The following PAX7 variants were observed in gnomAD, a reference collection of about 807,000 sequenced individuals.
The protein encoded by PAX7 is paired box protein Pax-7.
A neutral mutation model predicts 50.7 loss-of-function variants in PAX7; 18 were observed. That is an observed-to-expected ratio of 0.36 (90% CI 0.25 to 0.53). The LOEUF (loss-of-function observed/expected upper bound fraction) is 0.53, where lower values mean the gene tolerates loss of function less well. PAX7 is among the 20% of genes least tolerant of loss of function. The pLI is 0.93. For missense variants in PAX7, 644 were observed against 702.9 expected, an observed-to-expected ratio of 0.92 and a Z score of 0.95; for synonymous variants, 310 against 290.4, an observed-to-expected ratio of 1.07 and a Z score of -0.69.
chr1:18,691,996 G>T, intron 5 of PAX7, 43 bp downstream of exon 5: 1 of 1,576,452 alleles, frequency 6.3e-7, no homozygotes, highest in East Asian at 2.3e-5. Flanking sequence ...ATATACTCCA[G>T]AGATTCAGAA....
At chr1:18,701,558 T>A (rs1269654304) in intron 6 of PAX7, among the ~76,000 whole-genome samples, 3 of 152,052 alleles carry the variant, frequency 2.0e-5, no homozygotes, top group African/African-American at 7.2e-5. Flanking sequence ...AAAAAAAAAA[T>A]TTACAAAGGG....
intron 4 of PAX7, among the ~76,000 whole-genome samples, chr1:18,680,775 G>A (rs1170771819): frequency 6.6e-6 from 1 of 152,174 alleles, no homozygotes. Context: ...AAATAACTTG[G>A]ATGAGTAAAT....
Position 18,746,317 on chromosome 1 carries a change from A to C in PAX7, c.*1388A>C, listed in dbSNP as rs1931437655. The C allele has an allele frequency of 4.4e-6, 1 of 229,852 alleles. No individual in the cohort carries two copies. Among genetic ancestry groups the C allele is most frequent in the East Asian group, 6.2e-5 (1 of 16,168 alleles). The allele number at this position is 229,852 out of a possible 1,614,324, so 14.2% of individuals were successfully genotyped here. A position where few individuals can be genotyped will look rare whatever the true frequency, so the allele number is the denominator to read the frequency against. On this transcript the variant is annotated 3_prime_UTR_variant, in exon 9 of 9. Coordinates refer to ENST00000420770, the MANE Select transcript of PAX7 (RefSeq NM_001135254.2). ...CAAGCTACCAGCCCTGGGCAGAGGAAGATGTCAACAATTCCAGAGCAGAGG... is the reference window on the plus strand; with the variant it reads ...CAAGCTACCAGCCCTGGGCAGAGGACGATGTCAACAATTCCAGAGCAGAGG...
chr1:18,734,072 G>A (rs1001316098), intron 7 of PAX7, among the ~76,000 whole-genome samples: 14 of 152,198 alleles, frequency 9.2e-5, no homozygotes, highest in African/African-American at 2.9e-4. Context: ...CAGTGCCCTC[G>A]ACTGTGGCCA....
At chr1:18,721,169 C>T (rs946408254) in intron 7 of PAX7, among the ~76,000 whole-genome samples, 2 of 152,164 alleles carry the variant, frequency 1.3e-5, no homozygotes, top group African/African-American at 4.8e-5. Flanking sequence ...GCACAGGGGG[C>T]TGCCCGGGCC....
intron 4 of PAX7, among the ~76,000 whole-genome samples, chr1:18,652,210 G>A (rs1464206458): frequency 6.6e-6 from 1 of 151,800 alleles, no homozygotes; most frequent in African/African-American, 2.4e-5. Context: ...GCCACTGGCT[G>A]CCTCCACCCT....
chr1:18,662,926 A>C (rs1389748835), intron 4 of PAX7, among the ~76,000 whole-genome samples: 2 of 147,864 alleles, frequency 1.4e-5, no homozygotes, highest in African/African-American at 2.5e-5. Context: ...AAAAAAAAAA[A>C]CCTCAAACAC....
intron 4 of PAX7, among the ~76,000 whole-genome samples, chr1:18,670,442 C>T (rs549325635): frequency 3.2e-4 from 49 of 152,280 alleles, no homozygotes; most frequent in African/African-American, 1.2e-3. Flanking sequence ...TCCCAAAGTC[C>T]TGAGTGCCCA....
Position 18,735,958 on chromosome 1 carries a change from C to T in PAX7, c.1402+80C>T, listed in dbSNP as rs955658226. ...GGGCCTCCTGCTTGTTTATGGAGAGCTACAAGGTGGTGTCAGGGTGGGGAA... is the reference window on the plus strand; with the variant it reads ...GGGCCTCCTGCTTGTTTATGGAGAGTTACAAGGTGGTGTCAGGGTGGGGAA... On this transcript the variant is annotated intron_variant, in intron 8 of 8. Transcript: ENST00000420770. This position sits in a 1 kb window ranked among gnomAD's most constrained non-coding sequence, Gnocchi z 4.0. 2 of 1,613,842 alleles carry T rather than the reference C, an allele frequency of 1.2e-6. No individual in the cohort carries two copies. Among genetic ancestry groups the T allele is most frequent in the Non-Finnish European group, 1.7e-6 (2 of 1,180,000 alleles).
At chr1:18,706,061 C>T (rs1272615054) in intron 7 of PAX7, among the ~76,000 whole-genome samples, 2 of 152,112 alleles carry the variant, frequency 1.3e-5, no homozygotes, top group Non-Finnish European at 2.9e-5. Context: ...ACGGGTGCAG[C>T]GAGCAGGGCG....
chr1:18,697,270 A>G (rs2089162019), intron 5 of PAX7, among the ~76,000 whole-genome samples: 1 of 152,094 alleles, frequency 6.6e-6, no homozygotes, highest in African/African-American at 2.4e-5. Flanking sequence ...CTTTCAAAGA[A>G]CTCAGTCCTG....
chr1:18,646,637 A>C (rs1196279583), intron 4 of PAX7, among the ~76,000 whole-genome samples: 1 of 151,948 alleles, frequency 6.6e-6, no homozygotes, highest in Admixed American at 6.5e-5. Flanking sequence ...CTCGCGCCTC[A>C]ATGGCCACTT....
intron 7 of PAX7, among the ~76,000 whole-genome samples, chr1:18,725,423 C>T (rs572113273): frequency 6.6e-6 from 1 of 152,170 alleles, no homozygotes; most frequent in Admixed American, 6.5e-5. Context: ...CCTCTCCTTC[C>T]TCCCGCCTGC....
At chr1:18,667,579 C>A (rs761677567) in intron 4 of PAX7, among the ~76,000 whole-genome samples, 3 of 151,912 alleles carry the variant, frequency 2.0e-5, no homozygotes. Context: ...GTGGAGGATG[C>A]GGTGGAGGGA....
At chr1:18,663,067 T>C (rs1040028982) in intron 4 of PAX7, among the ~76,000 whole-genome samples, 1 of 152,226 alleles carries the variant, frequency 6.6e-6, no homozygotes, top group African/African-American at 2.4e-5. Context: ...TCTATACATA[T>C]GTTTATTTTG....
chr1:18,634,506 C>T lies in PAX7; in HGVS notation c.289C>T (p.Arg97Trp), dbSNP rs148832029. The change falls in exon 2 of 9, where the codon CGG (arginine) becomes TGG (tryptophan). Residue 97 changes from arginine to tryptophan, a missense_variant. By Grantham distance (101) the Arg-to-Trp change is moderately radical. Transcript: ENST00000420770. This position sits in a 1 kb window ranked among gnomAD's most constrained non-coding sequence, Gnocchi z 4.0. ...CCGCTACCAGGAGACCGGGTCCATC[C>T]GGCCTGGGGCCATCGGCGGCAGCAA... ...LCRYQETGSI[R>W]PGAIGGSKPR... 67 of 1,613,922 alleles carry T rather than the reference C, an allele frequency of 4.2e-5. No homozygotes were observed. In the Admixed American group the frequency reaches 6.3e-4, roughly 15 times the overall value.
chr1:18,736,067 G>A, intron 8 of PAX7, 189 bp downstream of exon 8: 1 of 1,103,964 alleles, frequency 9.1e-7, no homozygotes, highest in Non-Finnish European at 1.3e-6. Flanking sequence ...CAAAACCCAG[G>A]ACATCTCCTG....
In PAX7 at chr1:18,655,560, G is replaced by T. The variant is rs145746256; in HGVS notation, c.586+19189G>T. ...CACGGGGCCTCGCTCCCATTGAGGG[G>T]AGCCGGGGCCTGTGGCTCAGGGCTG... is the stretch of plus-strand genomic sequence containing the variant. On this transcript the variant is annotated intron_variant, in intron 4 of 8. Transcript: ENST00000420770. Among the ~76,000 whole-genome samples the T allele has an allele frequency of 4.1e-3, 619 of 152,328 alleles. 2 individuals carry two copies. The highest frequency in any genetic ancestry group is 0.014 in the African/African-American group (583 of 41,558).
At position 18,730,206 on chromosome 1, in the gene PAX7, A is replaced by G. The variant is rs76641722; in HGVS notation, c.1156-5426A>G. Among the ~76,000 whole-genome samples, 446 of 152,264 alleles carry G rather than the reference A, an allele frequency of 2.9e-3. 3 individuals are homozygous for G. Among genetic ancestry groups the G allele is most frequent in the African/African-American group, 0.01 (426 of 41,532 alleles). ...GGTAGCTACAATTATCATCATACCTATTTTATAGATGAGAAAACCGAGGCA... is the reference window on the plus strand; with the variant it reads ...GGTAGCTACAATTATCATCATACCTGTTTTATAGATGAGAAAACCGAGGCA... On this transcript the variant is annotated intron_variant, in intron 7 of 8. Coordinates refer to ENST00000420770, the MANE Select transcript of PAX7 (RefSeq NM_001135254.2).
Sources: gnomAD v4.1 joint callset for allele counts (sites outside exome capture counted in the v4.1 genomes callset) on GRCh38, gnomAD v4.1.1 for gene constraint, Gnocchi (gnomAD v3.1) non-coding constraint, MANE v1.5 for transcripts, NCBI Gene and HGNC (gene_info 2026-07-23, HGNC 2026-07-21) for gene names.